SYNE2: variants seen among roughly 807,000 people sequenced by gnomAD.
SYNE2 encodes spectrin repeat containing nuclear envelope protein 2.
In SYNE2, 431 loss-of-function variants were observed where a neutral mutation model predicts 856.3. The ratio of observed to expected loss-of-function variants is 0.50; its 90% CI spans 0.47 to 0.55. The LOEUF is 0.55. Ranked by LOEUF, SYNE2 falls within the 20% of genes least tolerant of loss-of-function variation. The pLI is 0.00. For synonymous variants in SYNE2, 2,923 were observed against 2,872.3 expected (o/e 1.02, Z -0.56); for missense variants, 8,129 against 8,023.2 (o/e 1.01, Z -0.50).
At chr14:63,841,752 C>T (rs983134196) in intron 1 of SYNE2, among the ~76,000 whole-genome samples, 3 of 151,450 alleles carry the variant, frequency 2.0e-5, no homozygotes, top group Non-Finnish European at 4.4e-5. Context: ...TTGAATGTCT[C>T]GTAAGGGTTT....
At position 64,137,989 on chromosome 14, in the gene SYNE2, C is replaced by A. The variant is rs745745536; in HGVS notation, c.14843+6C>A. On this transcript the variant is annotated splice_donor_region_variant and intron_variant, in intron 79 of 115. Transcript: ENST00000555002. ...CTTCTCAAGCATCTGCTCAGGTCAGCCTTTTTGGGGGTGGATTGGCTTCAT... is the reference window on the plus strand; with the variant it reads ...CTTCTCAAGCATCTGCTCAGGTCAGACTTTTTGGGGGTGGATTGGCTTCAT... The A allele has an allele frequency of 6.2e-7, 1 of 1,611,942 alleles. No homozygotes were observed. Among genetic ancestry groups the A allele is most frequent in the East Asian group, 2.2e-5 (1 of 44,764 alleles).
chr14:64,073,792 C>A (rs1252572524), intron 52 of SYNE2, among the ~76,000 whole-genome samples, 176 bp from the exon 53 acceptor site: 1 of 152,086 alleles, frequency 6.6e-6, no homozygotes, highest in African/African-American at 2.4e-5. Context: ...AGATTTTGTA[C>A]CTGTTTTTAT....
intron 10 of SYNE2, among the ~76,000 whole-genome samples, chr14:63,965,284 G>A (rs1321275327): frequency 2.0e-5 from 3 of 152,068 alleles, no homozygotes; most frequent in Admixed American, 1.3e-4. Flanking sequence ...TTTCTATGTA[G>A]CAGATACCTT....
At chr14:63,823,220 C>T (rs1439285362) in intron 1 of SYNE2, among the ~76,000 whole-genome samples, 18 of 150,900 alleles carry the variant, frequency 1.2e-4, no homozygotes, top group Admixed American at 1.1e-3. Context: ...TTTTTGTGGT[C>T]CAGGCTGGAG....
intron 77 of SYNE2, among the ~76,000 whole-genome samples, chr14:64,133,548 C>T (rs1325662687): frequency 6.6e-6 from 1 of 152,134 alleles, no homozygotes; most frequent in Non-Finnish European, 1.5e-5. Flanking sequence ...AGGCAGTTGT[C>T]CTCCCCTGAT....
At chr14:64,014,109 A>G (rs2096869330) in intron 32 of SYNE2, among the ~76,000 whole-genome samples, 1 of 152,094 alleles carries the variant, frequency 6.6e-6, no homozygotes, top group Non-Finnish European at 1.5e-5. Context: ...AATTTTATAA[A>G]TGAAATTATA....
chr14:64,024,490 T>G, intron 39 of SYNE2, 31 bp downstream of exon 39: 1 of 1,597,346 alleles, frequency 6.3e-7, no homozygotes, highest in Non-Finnish European at 8.6e-7. Flanking sequence ...CTAAATAACA[T>G]GTTTTCTAAC....
chr14:63,944,309 A>ATATATATATATATATAT (rs2095981522), intron 6 of SYNE2, among the ~76,000 whole-genome samples: 1 of 140,354 alleles, frequency 7.1e-6, no homozygotes, highest in African/African-American at 2.7e-5. Flanking sequence ...TATATATATA[A>ATATATATATATATATAT]ATAAATAAAT....
Position 63,802,193 on chromosome 14 carries a change from G to A in SYNE2, c.-305+40207G>A, listed in dbSNP as rs1294751741. Among the ~76,000 whole-genome samples the A allele has an allele frequency of 7.3e-5, 11 of 151,596 alleles. No homozygotes were observed. In the East Asian group the frequency reaches 1.7e-3, roughly 24 times the overall value. On this transcript the variant is annotated intron_variant, in intron 1 of 23. Coordinates refer to the SYNE2 transcript ENST00000674003. ...ATAATCTTGGCTTACTGCAACCTCC[G>A]CCTCTCAGGTTCAAGTGATTCTCCT...
chr14:63,901,824 C>T (rs1421481582), intron 1 of SYNE2, among the ~76,000 whole-genome samples: 2 of 151,716 alleles, frequency 1.3e-5, no homozygotes, highest in Admixed American at 6.6e-5. Context: ...CTTGGGAGGA[C>T]GAGGTGGGAG....
At chr14:64,211,345 A>G (rs559672386) in intron 103 of SYNE2, among the ~76,000 whole-genome samples, 46 of 152,338 alleles carry the variant, frequency 3.0e-4, no homozygotes, top group African/African-American at 9.9e-4. Context: ...CTGAAGCTAT[A>G]CTGATCTGAA....
At chr14:64,066,373 C>CTGTAGTCCCAAG (rs2097358941) in intron 51 of SYNE2, among the ~76,000 whole-genome samples, 1 of 152,010 alleles carries the variant, frequency 6.6e-6, no homozygotes, top group Non-Finnish European at 1.5e-5. Context: ...TGGCACATGC[C>CTGTAGTCCCAAG]TGTAGTCCCA....
intron 2 of SYNE2, among the ~76,000 whole-genome samples, chr14:63,936,936 T>C (rs11844554): frequency 0.48 from 73,440 of 151,838 alleles, 18,808 homozygotes; most frequent in South Asian, 0.56. Context: ...ACAGGATATC[T>C]GGAGGCATTA....
In SYNE2 at chr14:64,024,512, T is replaced by A. The variant is rs2096962302; in HGVS notation, c.5840+53T>A. 3 of 1,554,594 alleles carry A rather than the reference T, an allele frequency of 1.9e-6. No individual in the cohort carries two copies. In the Admixed American group the frequency reaches 5.1e-5, roughly 26 times the overall value. ...ACATGTTTTCTAACCATATCTTTAT[T>A]TGTACTCTGCCTCAGCGCAGAGAGC... On this transcript the variant is annotated intron_variant, in intron 39 of 115. Coordinates refer to ENST00000555002, the MANE Select transcript of SYNE2 (RefSeq NM_182914.3).
At chr14:63,808,287 G>A (rs145560245) in intron 1 of SYNE2, among the ~76,000 whole-genome samples, 7,204 of 151,656 alleles carry the variant, frequency 0.048, 246 homozygotes, top group Non-Finnish European at 0.073. Context: ...TCAGGAGTTC[G>A]AGATCAGCCA....
At chr14:64,215,857 G>A (rs2098663993) in intron 107 of SYNE2, 1 of 974,994 alleles carries the variant, frequency 1.0e-6, no homozygotes, top group African/African-American at 1.7e-5. Context: ...TGGTGGGTCG[G>A]GGAGAGCCCT....
At position 63,881,428 on chromosome 14, in the gene SYNE2, C is replaced by T. The variant is rs1380982783; in HGVS notation, c.-51-27670C>T. On this transcript the variant is annotated intron_variant, in intron 1 of 115. Transcript: ENST00000555002. ...TGTAATCCCAGCACTTTGGGAGGAT[C>T]GTTTGAAGACAGGAGTTTGAGACCA... Among the ~76,000 whole-genome samples the T allele has an allele frequency of 2.0e-5, 3 of 151,690 alleles. 1 individual carries two copies. The highest frequency in any genetic ancestry group is 6.3e-3 in the Middle Eastern group (2 of 316).
At chr14:63,762,600 T>C (rs965667754) in intron 1 of SYNE2, among the ~76,000 whole-genome samples, 1 of 138,446 alleles carries the variant, frequency 7.2e-6, no homozygotes, top group South Asian at 2.3e-4. Context: ...TCTTTCTTTT[T>C]TTTTTTTTTT....
At chr14:63,874,241 A>G (rs1468323069) in intron 1 of SYNE2, among the ~76,000 whole-genome samples, 6 of 152,210 alleles carry the variant, frequency 3.9e-5, no homozygotes, top group Admixed American at 3.9e-4. Flanking sequence ...TTATAGTTGC[A>G]CAAAAAGACG....
Sources: allele counts gnomAD v4.1 joint callset (sites outside exome capture counted in the v4.1 genomes callset), GRCh38; gene constraint gnomAD v4.1.1; transcripts MANE v1.5; gene names NCBI Gene and HGNC (gene_info 2026-07-23, HGNC 2026-07-21).